Variants in ARPP21 observed in about 807,000 individuals in gnomAD.
The protein encoded by ARPP21 is cAMP-regulated phosphoprotein 21.
Under a neutral mutation model 113.2 loss-of-function variants are expected in ARPP21, and 69 were observed. The ratio of observed to expected loss-of-function variants is 0.61; its 90% CI spans 0.50 to 0.74. The LOEUF is 0.74. Ranked by LOEUF, ARPP21 falls within the 30% of genes least tolerant of loss-of-function variation. ARPP21 has a pLI of 0.00. For missense variants in ARPP21, 1,070 were observed against 1,037.4 expected (o/e 1.03, Z -0.43); for synonymous variants, 368 against 375.5 (o/e 0.98, Z 0.23).
chr3:35,729,653 C>A, intron 15 of ARPP21, 117 bp downstream of exon 15: 1 of 862,840 alleles, frequency 1.2e-6, no homozygotes, highest in Non-Finnish European at 1.8e-6. Flanking sequence ...AAGCTAGTTG[C>A]ATGAACTGTT....
In ARPP21 at chr3:35,756,996, A is replaced by G. The variant is rs150563985; in HGVS notation, c.2137+13031A>G. On this transcript the variant is annotated intron_variant, in intron 19 of 20. Transcript: ENST00000684406. The stretch of plus-strand genomic sequence containing the variant: ...TATCACTTTCATTACTCATTTATGC[A>G]TGGGCAGTGTTAAGTAGCCAGTGGT... 3.1e-3 allele frequency among the ~76,000 whole-genome samples: 470 copies of G among 152,022 alleles called. 2 individuals are homozygous for G. Among genetic ancestry groups the G allele is most frequent in the African/African-American group, 9.8e-3 (408 of 41,476 alleles).
At chr3:35,747,679 G>A (rs1029459618) in intron 19 of ARPP21, among the ~76,000 whole-genome samples, 2 of 152,190 alleles carry the variant, frequency 1.3e-5, no homozygotes, top group Admixed American at 1.3e-4. Context: ...GCAACTTGGA[G>A]GAGTACAAAA....
intron 2 of ARPP21, 143 bp from the exon 3 acceptor site, chr3:35,681,570 AT>A (rs1283608492): frequency 1.8e-6 from 1 of 560,818 alleles, no homozygotes; most frequent in Non-Finnish European, 3.2e-6. Context: ...TGGGTACTTG[AT>A]TTCATCTTGT....
intron 1 of ARPP21, among the ~76,000 whole-genome samples, chr3:35,654,603 C>T (rs1703951830): frequency 6.6e-6 from 1 of 152,068 alleles, no homozygotes; most frequent in Non-Finnish European, 1.5e-5. Context: ...TTCTGCCAAG[C>T]AAACCAAACA....
intron 19 of ARPP21, chr3:35,784,987 C>T (rs572882972): frequency 4.6e-5 from 7 of 152,186 alleles, no homozygotes; most frequent in South Asian, 2.1e-4. Flanking sequence ...ATAATGCTGA[C>T]CCCATGACTT....
At chr3:35,662,785 C>T (rs2149175381) in intron 1 of ARPP21, among the ~76,000 whole-genome samples, 1 of 152,120 alleles carries the variant, frequency 6.6e-6, no homozygotes, top group Non-Finnish European at 1.5e-5. Context: ...AGAATTGTGC[C>T]CACCAAGTGA....
At chr3:35,777,221 T>A (rs2096398296) in intron 19 of ARPP21, among the ~76,000 whole-genome samples, 1 of 152,126 alleles carries the variant, frequency 6.6e-6, no homozygotes, top group South Asian at 2.1e-4. Context: ...ATACCCCTAT[T>A]TACTGAGCAC....
chr3:35,699,829 C>T (rs967357491), intron 9 of ARPP21, among the ~76,000 whole-genome samples: 1 of 151,652 alleles, frequency 6.6e-6, no homozygotes, highest in African/African-American at 2.4e-5. Context: ...AGCAGAAAGC[C>T]TTTTGTCTCA....
chr3:35,655,028 A>G (rs1032468414), intron 1 of ARPP21, among the ~76,000 whole-genome samples: 3 of 151,966 alleles, frequency 2.0e-5, no homozygotes, highest in African/African-American at 7.2e-5. Context: ...ATAGGTAAAT[A>G]TAAGGATTTA....
intron 9 of ARPP21, among the ~76,000 whole-genome samples, chr3:35,697,957 G>A (rs982776289): frequency 6.6e-6 from 1 of 151,540 alleles, no homozygotes; most frequent in Non-Finnish European, 1.5e-5. Flanking sequence ...ATTTATTTAA[G>A]TGCCTCTTAA....
chr3:35,735,075 G>A (rs376733382), intron 15 of ARPP21, among the ~76,000 whole-genome samples: 76 of 152,028 alleles, frequency 5.0e-4, no homozygotes, highest in African/African-American at 1.7e-3. Flanking sequence ...AGAATGTCTC[G>A]TTTTCTCTGG....
At chr3:35,748,895 A>G (rs2095294425) in intron 19 of ARPP21, among the ~76,000 whole-genome samples, 1 of 152,228 alleles carries the variant, frequency 6.6e-6, no homozygotes. Flanking sequence ...TTCCTTCTTT[A>G]CAGATAGGTG....
At chr3:35,792,592 G>C in intron 20 of ARPP21, 62 bp downstream of exon 20, 2 of 1,540,678 alleles carry the variant, frequency 1.3e-6, no homozygotes, top group Non-Finnish European at 1.8e-6. Context: ...AGTGGAAGCT[G>C]TGGGTCTGTC....
At chr3:35,786,842 G>A (rs2096644579) in intron 19 of ARPP21, among the ~76,000 whole-genome samples, 1 of 152,044 alleles carries the variant, frequency 6.6e-6, no homozygotes, top group South Asian at 2.1e-4. Flanking sequence ...GAAGTTGGAG[G>A]CAGGAACATC....
chr3:35,769,944 C>G (rs1322189587), intron 19 of ARPP21, among the ~76,000 whole-genome samples: 1 of 152,142 alleles, frequency 6.6e-6, no homozygotes, highest in Non-Finnish European at 1.5e-5. Context: ...GTGTACAACT[C>G]TTGTGGGAGT....
intron 8 of ARPP21, 52 bp downstream of exon 8, chr3:35,690,192 T>C (rs955918471): frequency 1.1e-6 from 1 of 877,356 alleles, no homozygotes; most frequent in Non-Finnish European, 2.0e-6. Flanking sequence ...TAGTTTGGTA[T>C]TGGAGTTAAA....
At position 35,721,810 on chromosome 3, in the gene ARPP21, A is replaced by G. The variant is rs1196024489; in HGVS notation, c.1201A>G (p.Ser401Gly). ...TRGDSTSSTR[S>G]TGKLSKAGSE... ...GGGTGACAGCACTTCCAGTACTAGG[A>G]GTACCGGGAAGCTGTCCAAAGCAGG... The change falls in exon 14 of 21, where the codon AGT becomes GGT. Residue 401 changes from serine to glycine, a missense_variant. Coordinates refer to ENST00000684406, the MANE Select transcript of ARPP21 (RefSeq NM_001385562.1). 1 of 1,609,892 alleles carries G rather than the reference A, an allele frequency of 6.2e-7. No homozygotes were observed. Among genetic ancestry groups the G allele is most frequent in the African/African-American group, 1.3e-5 (1 of 74,948 alleles).
intron 1 of ARPP21, among the ~76,000 whole-genome samples, chr3:35,656,390 T>C (rs899467397): frequency 1.3e-5 from 2 of 152,230 alleles, no homozygotes; most frequent in African/African-American, 4.8e-5. Flanking sequence ...AACAGCTTTA[T>C]TTTAATTGCC....
At chr3:35,643,206 G>T (rs1480617478) in intron 1 of ARPP21, among the ~76,000 whole-genome samples, 2 of 152,062 alleles carry the variant, frequency 1.3e-5, no homozygotes, top group Non-Finnish European at 2.9e-5. Context: ...TGCTTAAGTA[G>T]TTGCAAGGTT....
Sources: allele counts gnomAD v4.1 joint callset (sites outside exome capture counted in the v4.1 genomes callset), GRCh38; gene constraint gnomAD v4.1.1; transcripts MANE v1.5; gene names NCBI Gene and HGNC (gene_info 2026-07-23, HGNC 2026-07-21).